RAF1: variants seen among roughly 807,000 people sequenced by gnomAD.
The protein encoded by RAF1 is RAF proto-oncogene serine/threonine-protein kinase.
A neutral mutation model predicts 81.1 loss-of-function variants in RAF1; 27 were observed. That is an observed-to-expected ratio of 0.33 (90% CI 0.25 to 0.46). The LOEUF (loss-of-function observed/expected upper bound fraction) is 0.46, where lower values mean the gene tolerates loss of function less well. Among genes scored for constraint, RAF1 ranks in the 20% least tolerant of loss-of-function variants. RAF1 has a pLI of 1.00. For missense variants in RAF1, 598 were observed against 826.0 expected (o/e 0.72, Z 3.38); for synonymous variants, 298 against 294.0 (o/e 1.01, Z -0.14).
intron 12 of RAF1, among the ~76,000 whole-genome samples, chr3:12,591,317 G>A (rs1351509913): frequency 2.6e-5 from 4 of 152,062 alleles, no homozygotes; most frequent in Non-Finnish European, 4.4e-5. Flanking sequence ...AGTCTAAATA[G>A]TGACTGAAAG....
Position 12,623,875 on chromosome 3 carries a change from G to C in RAF1, c.-26-5128C>G, listed in dbSNP as rs191452987. Among the ~76,000 whole-genome samples the C allele has an allele frequency of 2.2e-3, 234 of 104,636 alleles. 5 individuals carry two copies. The highest frequency in any genetic ancestry group is 0.019 in the Admixed American group (190 of 10,136). The allele number at this position is 104,636 out of a possible 152,430, so 68.6% of individuals were successfully genotyped here. A position where few individuals can be genotyped will look rare whatever the true frequency, so the allele number is the denominator to read the frequency against. The stretch of plus-strand genomic sequence containing the variant: ...TTTTCTTTTTTCTTTTTTTTTTTTT[G>C]AGACAGTCTTGCTCTGTTGCCCAGG... On this transcript the variant is annotated intron_variant, in intron 1 of 17. Coordinates refer to ENST00000442415, the MANE Select transcript of RAF1 (RefSeq NM_001354689.3).
intron 1 of RAF1, among the ~76,000 whole-genome samples, chr3:12,639,095 C>A (rs1343198844): frequency 6.6e-6 from 1 of 151,680 alleles, no homozygotes; most frequent in East Asian, 2.0e-4. Context: ...CATAATCCAT[C>A]ATATAAACAG....
At chr3:12,640,738 A>G (rs889681854) in intron 1 of RAF1, among the ~76,000 whole-genome samples, 1 of 41,934 alleles carries the variant, frequency 2.4e-5, no homozygotes, top group Admixed American at 3.0e-4. Context: ...GGATGTGGAG[A>G]AATAGAACAC....
In RAF1 at chr3:12,584,456, G is replaced by A. The variant is rs879136286; in HGVS notation, c.*58C>T. 3.1e-6 allele frequency: 5 copies of A among 1,606,436 alleles called. No homozygotes were observed. In the Admixed American group the frequency reaches 8.3e-5, roughly 27 times the overall value. On this transcript the variant is annotated 3_prime_UTR_variant, in exon 18 of 18. Transcript: ENST00000442415. ...GCCTCTGGAGAAAGGGAGCAGAAAA[G>A]TGGTGCCTGCTGGCTTCTCCTCCTC...
At chr3:12,654,960 G>A (rs928924433) in intron 1 of RAF1, among the ~76,000 whole-genome samples, 5 of 150,954 alleles carry the variant, frequency 3.3e-5, no homozygotes, top group African/African-American at 1.2e-4. Context: ...AGGATCAATG[G>A]AGGCCAGGAG....
At chr3:12,626,212 C>A (rs1260444418) in intron 1 of RAF1, among the ~76,000 whole-genome samples, 11 of 148,592 alleles carry the variant, frequency 7.4e-5, no homozygotes, top group African/African-American at 2.2e-4. Flanking sequence ...CCATTGCACT[C>A]CAGCTTGAGC....
intron 8 of RAF1, among the ~76,000 whole-genome samples, chr3:12,602,383 T>C (rs1225695654): frequency 6.6e-6 from 1 of 152,186 alleles, no homozygotes; most frequent in Non-Finnish European, 1.5e-5. Context: ...TCTTTTATAA[T>C]AAAAACTCAA....
At chr3:12,600,350 A>G (rs2125381445) in intron 9 of RAF1, 38 bp downstream of exon 8, 1 of 1,614,188 alleles carries the variant, frequency 6.2e-7, no homozygotes, top group South Asian at 1.1e-5. Flanking sequence ...AAAGAAAAAA[A>G]GCCCATTATT....
At chr3:12,653,303 A>G (rs2060590835) in intron 1 of RAF1, among the ~76,000 whole-genome samples, 1 of 152,016 alleles carries the variant, frequency 6.6e-6, no homozygotes, top group East Asian at 2.0e-4. Flanking sequence ...AACCTGTTGT[A>G]CAAACTATAT....
At chr3:12,641,167 A>G (rs1281996252) in intron 1 of RAF1, among the ~76,000 whole-genome samples, 1 of 135,046 alleles carries the variant, frequency 7.4e-6, no homozygotes, top group Non-Finnish European at 1.6e-5. Flanking sequence ...GAACAATGAG[A>G]ACACTTGGAC....
intron 2 of RAF1, among the ~76,000 whole-genome samples, chr3:12,615,641 C>A (rs916630115): frequency 6.6e-6 from 1 of 152,176 alleles, no homozygotes; most frequent in African/African-American, 2.4e-5. Context: ...ACAGGCAAAA[C>A]TAACCTAGGC....
intron 11 of RAF1, 116 bp downstream of exon 10, chr3:12,599,575 A>T: frequency 1.3e-6 from 1 of 770,830 alleles, no homozygotes; most frequent in Non-Finnish European, 2.4e-6. Flanking sequence ...TATGTAAGGG[A>T]GAGTACTGCT....
chr3:12,649,589 TCACACACACACACACACA>T (rs3072126), intron 1 of RAF1, among the ~76,000 whole-genome samples: 2 of 150,354 alleles, frequency 1.3e-5, no homozygotes, highest in Non-Finnish European at 3.0e-5. Context: ...CCAGAGACTG[TCACACACACACACACACA>T]CACACACACA....
chr3:12,609,068 ATC>A, intron 4 of RAF1, 145 bp from the exon 5 acceptor site: 1 of 1,122,586 alleles, frequency 8.9e-7, no homozygotes. Context: ...ATTAGAGTAT[ATC>A]TCTGACTAAT....
intron 8 of RAF1, among the ~76,000 whole-genome samples, chr3:12,601,083 G>A (rs1480826622): frequency 6.6e-6 from 1 of 152,206 alleles, no homozygotes; most frequent in Non-Finnish European, 1.5e-5. Flanking sequence ...TCCACAAGGA[G>A]TTAGGCTAAA....
At chr3:12,642,221 C>T (rs1459053046) in intron 1 of RAF1, among the ~76,000 whole-genome samples, 11 of 150,394 alleles carry the variant, frequency 7.3e-5, no homozygotes, top group East Asian at 4.0e-4. Flanking sequence ...GAGGCTGAAG[C>T]GGGTGGATCA....
intron 2 of RAF1, among the ~76,000 whole-genome samples, chr3:12,612,522 G>A (rs1290804800): frequency 6.6e-6 from 1 of 151,924 alleles, no homozygotes; most frequent in Non-Finnish European, 1.5e-5. Context: ...GGTGGTGGAC[G>A]CCTGTAATCT....
At chr3:12,605,279 T>TGTGA (rs764666755) in intron 6 of RAF1, among the ~76,000 whole-genome samples, 1 of 151,976 alleles carries the variant, frequency 6.6e-6, no homozygotes, top group Non-Finnish European at 1.5e-5. Context: ...TGTGTGTGTG[T>TGTGA]GTGTATACAT....
intron 1 of RAF1, among the ~76,000 whole-genome samples, chr3:12,633,355 C>T (rs1484344424): frequency 1.3e-5 from 2 of 151,792 alleles, no homozygotes; most frequent in Admixed American, 6.6e-5. Context: ...CAGTGGCGAA[C>T]GCCTGTACTC....
Sources: allele counts gnomAD v4.1 joint callset (sites outside exome capture counted in the v4.1 genomes callset), GRCh38; gene constraint gnomAD v4.1.1; transcripts MANE v1.5; gene names NCBI Gene and HGNC (gene_info 2026-07-23, HGNC 2026-07-21).